Variants in FAR2 observed in about 807,000 individuals in gnomAD.
FAR2 encodes fatty acyl-CoA reductase 2.
In FAR2, 19 loss-of-function variants were observed where a neutral mutation model predicts 56.0. The ratio of observed to expected loss-of-function variants is 0.34; its 90% CI spans 0.24 to 0.50. The LOEUF (loss-of-function observed/expected upper bound fraction) is 0.50. FAR2 is among the 20% of genes least tolerant of loss of function. The pLI is 0.98. For missense variants in FAR2, 508 were observed against 642.2 expected (o/e 0.79, Z 2.26); for synonymous variants, 219 against 218.8 (o/e 1.00, Z -0.01).
intron 1 of FAR2, among the ~76,000 whole-genome samples, chr12:29,162,267 G>A (rs1337183683): frequency 6.6e-6 from 1 of 152,172 alleles, no homozygotes; most frequent in East Asian, 1.9e-4. Flanking sequence ...TGTGTGATGT[G>A]AGAAATAAAA....
chr12:29,217,031 A>G (rs1947629398), intron 1 of FAR2, among the ~76,000 whole-genome samples: 1 of 152,236 alleles, frequency 6.6e-6, no homozygotes, highest in African/African-American at 2.4e-5. Flanking sequence ...GACACATTTA[A>G]AAAATATTTT....
intron 6 of FAR2, chr12:29,309,691 AAG>A (rs1949314163): frequency 6.6e-6 from 1 of 152,620 alleles, no homozygotes; most frequent in African/African-American, 2.4e-5. Flanking sequence ...GAATACAAGA[AAG>A]AGAACTACCA....
intron 1 of FAR2, among the ~76,000 whole-genome samples, chr12:29,264,773 A>T (rs1349133835): frequency 6.6e-6 from 1 of 152,116 alleles, no homozygotes; most frequent in Non-Finnish European, 1.5e-5. Context: ...TTATATCTTG[A>T]AAAGCTAAAC....
chr12:29,149,794 G>T (rs917812451), intron 1 of FAR2, among the ~76,000 whole-genome samples: 1 of 152,216 alleles, frequency 6.6e-6, no homozygotes, highest in Non-Finnish European at 1.5e-5. Context: ...GTCCCACCCA[G>T]GCCTCCTGGG....
intron 1 of FAR2, among the ~76,000 whole-genome samples, chr12:29,245,305 T>G (rs1948110324): frequency 6.6e-6 from 1 of 152,174 alleles, no homozygotes; most frequent in African/African-American, 2.4e-5. Flanking sequence ...AAGTAAGTCT[T>G]CCCAATAATA....
At chr12:29,322,424 C>T (rs1205236234) in intron 10 of FAR2, among the ~76,000 whole-genome samples, 1 of 152,204 alleles carries the variant, frequency 6.6e-6, no homozygotes, top group Non-Finnish European at 1.5e-5. Context: ...TCTGCCTCAC[C>T]TCAGACCTCC....
chr12:29,180,530 C>T (rs1206596246), intron 1 of FAR2, among the ~76,000 whole-genome samples: 1 of 152,096 alleles, frequency 6.6e-6, no homozygotes, highest in African/African-American at 2.4e-5. Context: ...CTAAACCAAC[C>T]TCTTAAACTA....
chr12:29,216,362 T>G (rs1176578108), intron 1 of FAR2, among the ~76,000 whole-genome samples: 1 of 152,216 alleles, frequency 6.6e-6, no homozygotes, highest in Admixed American at 6.5e-5. Flanking sequence ...AGGAATTTCC[T>G]CCCCTTTGGT....
intron 10 of FAR2, among the ~76,000 whole-genome samples, chr12:29,329,774 G>C (rs1383889785): frequency 6.6e-6 from 1 of 151,778 alleles, no homozygotes; most frequent in African/African-American, 2.4e-5. Flanking sequence ...GAGGTATCTT[G>C]CAAAAAAATA....
At chr12:29,254,413 C>A (rs112946778) in intron 1 of FAR2, among the ~76,000 whole-genome samples, 1 of 152,132 alleles carries the variant, frequency 6.6e-6, no homozygotes, top group East Asian at 1.9e-4. Flanking sequence ...TATTTTAGGG[C>A]GGTCCCAAAC....
intron 1 of FAR2, among the ~76,000 whole-genome samples, chr12:29,175,991 A>G (rs1265014303): frequency 6.6e-6 from 1 of 152,228 alleles, no homozygotes; most frequent in Non-Finnish European, 1.5e-5. Flanking sequence ...TTTAATATCA[A>G]AAGTAAAAGC....
At chr12:29,332,843 AG>A (rs1185221604) in intron 11 of FAR2, 116 bp downstream of exon 11, 1 of 974,564 alleles carries the variant, frequency 1.0e-6, no homozygotes, top group Non-Finnish European at 1.6e-6. Context: ...ACTACATTAC[AG>A]GTCCTGCACT....
At chr12:29,263,948 A>G (rs1948468337) in intron 1 of FAR2, among the ~76,000 whole-genome samples, 2 of 152,108 alleles carry the variant, frequency 1.3e-5, no homozygotes, top group Admixed American at 1.3e-4. Flanking sequence ...ATACTTCCAA[A>G]CTCATTTTAT....
intron 1 of FAR2, among the ~76,000 whole-genome samples, chr12:29,199,565 G>A (rs1476100630): frequency 3.4e-5 from 5 of 146,606 alleles, no homozygotes; most frequent in African/African-American, 1.0e-4. Flanking sequence ...GCTCCACTGC[G>A]CTCCAGCCTG....
intron 1 of FAR2, among the ~76,000 whole-genome samples, chr12:29,162,456 G>A (rs1196930553): frequency 6.6e-6 from 1 of 152,158 alleles, no homozygotes; most frequent in Non-Finnish European, 1.5e-5. Flanking sequence ...TTTTGACTGT[G>A]AATAGCCTAG....
intron 1 of FAR2, among the ~76,000 whole-genome samples, chr12:29,260,222 C>G (rs772220904): frequency 9.2e-5 from 14 of 152,154 alleles, no homozygotes. Context: ...TTTGTGCCAA[C>G]TTGATATATA....
intron 2 of FAR2, among the ~76,000 whole-genome samples, chr12:29,278,804 G>T (rs1948742117): frequency 6.6e-6 from 1 of 152,162 alleles, no homozygotes; most frequent in Non-Finnish European, 1.5e-5. Flanking sequence ...TGAAAGATCT[G>T]GGAAAAATGT....
chr12:29,163,342 GA>G (rs11361449), intron 1 of FAR2, among the ~76,000 whole-genome samples: 169 of 152,318 alleles, frequency 1.1e-3, no homozygotes, highest in African/African-American at 3.8e-3. Flanking sequence ...TGTGTTTAGT[GA>G]GTCAAGCTAT....
intron 1 of FAR2, among the ~76,000 whole-genome samples, chr12:29,193,370 G>A (rs1950118091): frequency 6.6e-6 from 1 of 152,080 alleles, no homozygotes; most frequent in South Asian, 2.1e-4. Context: ...CTGTTTCACT[G>A]CCCTAAAAAT....
Sources: allele counts gnomAD v4.1 joint callset (sites outside exome capture counted in the v4.1 genomes callset), GRCh38; gene constraint gnomAD v4.1.1; transcripts MANE v1.5; gene names NCBI Gene and HGNC (gene_info 2026-07-23, HGNC 2026-07-21).